Variants in HS3ST1 observed in about 807,000 individuals in gnomAD.
HS3ST1 encodes the protein heparan sulfate glucosamine 3-O-sulfotransferase 1.
Under a neutral mutation model 20.7 loss-of-function variants are expected in HS3ST1, and 8 were observed. The observed-to-expected ratio is 0.39, with a 90% CI of 0.23 to 0.70. The LOEUF (loss-of-function observed/expected upper bound fraction) is 0.70, where lower values mean the gene tolerates loss of function less well. HS3ST1 is among the 30% of genes least tolerant of loss of function. The pLI is 0.46. For synonymous variants in HS3ST1, 205 were observed against 190.4 expected (o/e 1.08, Z -0.63); for missense variants, 436 against 423.4 (o/e 1.03, Z -0.26).
At chr4:11,410,508 G>A (rs1207187353) in intron 1 of HS3ST1, among the ~76,000 whole-genome samples, 1 of 152,208 alleles carries the variant, frequency 6.6e-6, no homozygotes, top group Admixed American at 6.5e-5. Flanking sequence ...ATATGCTGTG[G>A]GGAGCACAGG....
chr4:11,409,568 A>G (rs1244569691), intron 1 of HS3ST1, among the ~76,000 whole-genome samples: 2 of 152,222 alleles, frequency 1.3e-5, no homozygotes, highest in Non-Finnish European at 2.9e-5. Context: ...GCGAGCAAGG[A>G]ATGGGGTTTC....
chr4:11,405,985 A>G (rs1254223745), intron 1 of HS3ST1, among the ~76,000 whole-genome samples: 2 of 152,226 alleles, frequency 1.3e-5, no homozygotes, highest in Non-Finnish European at 2.9e-5. Flanking sequence ...GATGCCTGCC[A>G]TCTGTCTGTC....
intron 1 of HS3ST1, among the ~76,000 whole-genome samples, chr4:11,415,945 G>A (rs763928925): frequency 1.3e-5 from 2 of 152,272 alleles, no homozygotes; most frequent in East Asian, 3.9e-4. Context: ...AGACTTGTGT[G>A]GGGGTGAGAA....
Position 11,399,838 on chromosome 4 carries a change from C to G in HS3ST1, c.168G>C (p.Gln56His), listed in dbSNP as rs761714547. Residue 56 changes from glutamine (Q) to histidine (H), a missense_variant, in exon 2 of 2, where the codon CAG becomes CAC. Physicochemically the swap from Gln to His is conservative, Grantham distance 24. Coordinates refer to ENST00000002596, the MANE Select transcript of HS3ST1 (RefSeq NM_005114.4). This position sits in a 1 kb window ranked among gnomAD's most constrained non-coding sequence, Gnocchi z 5.1. ...APNGSAQQLP[Q>H]TIIIGVRKGG... The stretch of plus-strand genomic sequence containing the variant: ...CCTTGCGCACGCCGATGATGATGGT[C>G]TGCGGCAACTGCTGGGCAGAGCCGT... 2.5e-6 allele frequency: 4 copies of G among 1,612,776 alleles called. No homozygotes were observed. In the South Asian group the frequency reaches 4.4e-5, roughly 18 times the overall value.
intron 1 of HS3ST1, among the ~76,000 whole-genome samples, chr4:11,421,129 C>T (rs959465787): frequency 1.8e-4 from 27 of 152,316 alleles, no homozygotes; most frequent in African/African-American, 6.5e-4. Flanking sequence ...AGGAAAAACA[C>T]ATTGAGCATT....
At chr4:11,421,236 C>T (rs1267097703) in intron 1 of HS3ST1, among the ~76,000 whole-genome samples, 1 of 152,170 alleles carries the variant, frequency 6.6e-6, no homozygotes, top group East Asian at 1.9e-4. Flanking sequence ...CAGAGTGACA[C>T]AACTAGTGAG....
chr4:11,416,342 T>G (rs772563401), intron 1 of HS3ST1, among the ~76,000 whole-genome samples: 1 of 152,184 alleles, frequency 6.6e-6, no homozygotes, highest in African/African-American at 2.4e-5. Context: ...TACTCTGGAC[T>G]AGGCACGAGA....
chr4:11,427,513 A>AAAAGC (rs1719092491), intron 1 of HS3ST1, among the ~76,000 whole-genome samples: 2 of 152,206 alleles, frequency 1.3e-5, no homozygotes, highest in Non-Finnish European at 2.9e-5. Context: ...GCCTCCCTAG[A>AAAAGC]ATCCCCCCAA....
At chr4:11,417,888 G>T (rs897443392) in intron 1 of HS3ST1, among the ~76,000 whole-genome samples, 1 of 152,230 alleles carries the variant, frequency 6.6e-6, no homozygotes, top group Admixed American at 6.5e-5. Flanking sequence ...AAGTGTAATT[G>T]TTGCCCAAAG....
Position 11,397,466 on chromosome 4 carries a change from A to G in HS3ST1, c.*1616T>C, listed in dbSNP as rs1718173957. The G allele has an allele frequency of 6.6e-6, 1 of 152,242 alleles. No homozygotes were observed. 9.4% of individuals were successfully genotyped at this position (152,242 alleles called of 1,614,324 possible). On this transcript the variant is annotated 3_prime_UTR_variant, in exon 2 of 2. Transcript: ENST00000002596. ...CCTCTTAGGATGGAAGATATTTGGC[A>G]CCTGGGAAGAAATGTTAAGTCAGGT...
intron 1 of HS3ST1, among the ~76,000 whole-genome samples, chr4:11,422,800 A>T (rs1718971286): frequency 6.6e-6 from 1 of 152,138 alleles, no homozygotes; most frequent in South Asian, 2.1e-4. Context: ...CCAGATAAAG[A>T]AATTAAAGCC....
In HS3ST1 at chr4:11,399,136, A is replaced by G. The variant is rs1360121288; in HGVS notation, c.870T>C (p.His290=). The G allele has an allele frequency of 1.9e-6, 3 of 1,614,112 alleles. No individual in the cohort carries two copies. The highest frequency in any genetic ancestry group is 2.5e-6 in the Non-Finnish European group (3 of 1,179,946). Residue 290 remains histidine (H), a synonymous_variant, in exon 2 of 2, where the codon CAT becomes CAC. Coordinates refer to ENST00000002596, the MANE Select transcript of HS3ST1 (RefSeq NM_005114.4). The surrounding 1 kb of genome is among the most constrained non-coding windows in gnomAD (Gnocchi z 5.1). ...KLLNKLHEYF[H]EPNKKFFELV... is the part of the protein sequence containing the mutation. ...GCTCGAAGAACTTCTTATTTGGCTC[A>G]TGAAAATATTCGTGCAGTTTATTGA...
upstream of HS3ST1, among the ~76,000 whole-genome samples, chr4:11,433,804 T>C (rs1039045259): frequency 5.3e-5 from 8 of 152,218 alleles, no homozygotes; most frequent in African/African-American, 1.9e-4. Flanking sequence ...TGAAATTCAA[T>C]CCCTTACTTA....
intron 1 of HS3ST1, among the ~76,000 whole-genome samples, chr4:11,405,834 C>T (rs1384804945): frequency 1.3e-5 from 2 of 152,208 alleles, no homozygotes; most frequent in African/African-American, 4.8e-5. Flanking sequence ...CTCCTTATTA[C>T]ATAATTCACA....
At chr4:11,421,463 C>A (rs765739048) in intron 1 of HS3ST1, among the ~76,000 whole-genome samples, 4 of 152,204 alleles carry the variant, frequency 2.6e-5, no homozygotes, top group South Asian at 2.1e-4. Context: ...CCCTGCCACA[C>A]AAGTATGTAT....
chr4:11,407,585 A>C (rs1196711306), intron 1 of HS3ST1, among the ~76,000 whole-genome samples: 1 of 152,188 alleles, frequency 6.6e-6, no homozygotes, highest in Non-Finnish European at 1.5e-5. Context: ...CCTGTCCCAT[A>C]GGTGGTCTGA....
intron 1 of HS3ST1, among the ~76,000 whole-genome samples, chr4:11,407,460 G>A (rs1046693169): frequency 6.6e-6 from 1 of 152,208 alleles, no homozygotes; most frequent in Non-Finnish European, 1.5e-5. Context: ...GGAAGGAGAT[G>A]CTTTGGCAAG....
intron 1 of HS3ST1, chr4:11,414,112 A>G (rs1453779725): frequency 1.3e-5 from 2 of 152,170 alleles, no homozygotes; most frequent in Non-Finnish European, 2.9e-5. Flanking sequence ...AGGCCTGACC[A>G]TGCTTAGCTT....
At chr4:11,424,425 G>A (rs1719013916) in intron 1 of HS3ST1, among the ~76,000 whole-genome samples, 1 of 152,132 alleles carries the variant, frequency 6.6e-6, no homozygotes, top group African/African-American at 2.4e-5. Context: ...ATTCCCCATG[G>A]GTAGAGGAAG....
Sources: allele counts gnomAD v4.1 joint callset (sites outside exome capture counted in the v4.1 genomes callset), GRCh38; gene constraint gnomAD v4.1.1; non-coding constraint Gnocchi (gnomAD v3.1); transcripts MANE v1.5; gene names NCBI Gene and HGNC (gene_info 2026-07-23, HGNC 2026-07-21).